Variants in SHANK1 observed in about 807,000 individuals in gnomAD.
The protein encoded by SHANK1 is SH3 and multiple ankyrin repeat domains 1, also known as SH3 and multiple ankyrin repeat domains protein 1.
SHANK1 carries 35 observed loss-of-function variants against 165.6 expected under a neutral mutation model. The observed-to-expected ratio is 0.21, with a 90% CI of 0.16 to 0.28. SHANK1 has a LOEUF of 0.28. SHANK1 is among the 10% of genes least tolerant of loss of function. The probability of loss-of-function intolerance (pLI) is 1.00; values close to 1 mark genes in which losing one functional copy is unlikely to be tolerated. For synonymous variants in SHANK1, 1,428 were observed against 1,384.8 expected (o/e 1.03, Z -0.69); for missense variants, 2,681 against 3,036.4 (o/e 0.88, Z 2.75).
intron 21 of SHANK1, among the ~76,000 whole-genome samples, chr19:50,675,776 T>G (rs1041816436): frequency 6.6e-6 from 1 of 151,748 alleles, no homozygotes; most frequent in African/African-American, 2.4e-5. Context: ...TCAAGGTGGG[T>G]GGATCATTTG....
At chr19:50,666,118 C>T (rs1296079560) in intron 23 of SHANK1, 74 bp downstream of exon 23, 1 of 1,410,226 alleles carries the variant, frequency 7.1e-7, no homozygotes, top group East Asian at 2.6e-5. Context: ...TTCTGCCACC[C>T]TGAGACCCTA....
At position 50,702,699 on chromosome 19, in the gene SHANK1, G is replaced by A; in HGVS notation, c.1554-39C>T. ...GGGCATGAGAGGAGGGGAGGGTGGA[G>A]GGAGGGGACACCTCTGGGAGGACAG... On this transcript the variant is annotated intron_variant, in intron 11 of 23. Coordinates refer to ENST00000293441, the MANE Select transcript of SHANK1 (RefSeq NM_016148.5). This position sits in a 1 kb window ranked among gnomAD's most constrained non-coding sequence, Gnocchi z 5.3. The A allele has an allele frequency of 7.1e-7, 1 of 1,412,980 alleles. No individual in the cohort carries two copies. Among genetic ancestry groups the A allele is most frequent in the Non-Finnish European group, 9.6e-7 (1 of 1,043,254 alleles). 87.5% of individuals were successfully genotyped at this position (1,412,980 alleles called of 1,614,324 possible). A position where few individuals can be genotyped will look rare whatever the true frequency, so the allele number is the denominator to read the frequency against.
At chr19:50,672,263 A>G (rs761111520) in intron 21 of SHANK1, 149 bp from the exon 22 acceptor site, 2 of 663,550 alleles carry the variant, frequency 3.0e-6, no homozygotes, top group Non-Finnish European at 5.1e-6. Context: ...CGGTGGAAGG[A>G]GGCCGGGCAA....
Position 50,688,748 on chromosome 19 carries a change from G to A in SHANK1, c.2172+96C>T, listed in dbSNP as rs1301706311. 26 of 1,306,796 alleles carry A rather than the reference G, an allele frequency of 2.0e-5. No individual in the cohort carries two copies. Among genetic ancestry groups the A allele is most frequent in the Non-Finnish European group, 5.3e-6 (5 of 950,830 alleles). The allele number at this position is 1,306,796 out of a possible 1,614,324, so 81.0% of individuals were successfully genotyped here. On this transcript the variant is annotated intron_variant, in intron 17 of 23. Transcript: ENST00000293441. This position sits in a 1 kb window ranked among gnomAD's most constrained non-coding sequence, Gnocchi z 6.7. Reference sequence around the variant, plus strand: ...GGGGCTGGGAATCCTGGTGCCAAAGGAGAATAAAACTGGGCAGCCAGATCC... The same window carrying A: ...GGGGCTGGGAATCCTGGTGCCAAAGAAGAATAAAACTGGGCAGCCAGATCC...
chr19:50,681,723 G>T (rs1986188022), intron 21 of SHANK1, among the ~76,000 whole-genome samples: 1 of 152,172 alleles, frequency 6.6e-6, no homozygotes, highest in Non-Finnish European at 1.5e-5. Flanking sequence ...CATACACAGA[G>T]ATCACTGGTG....
At chr19:50,704,008 G>C (rs991732133) in intron 10 of SHANK1, 112 bp downstream of exon 10, 1 of 1,168,574 alleles carries the variant, frequency 8.6e-7, no homozygotes, top group African/African-American at 1.5e-5. Flanking sequence ...GTCCTCTAGG[G>C]TTTTCTCCAT....
chr19:50,676,405 G>C (rs1985985788), intron 21 of SHANK1, among the ~76,000 whole-genome samples: 1 of 152,166 alleles, frequency 6.6e-6, no homozygotes. Context: ...ATGTGTAGAG[G>C]AACAGTGTTC....
chr19:50,687,637 C>T lies in SHANK1; in HGVS notation c.2334G>A (p.Pro778=), dbSNP rs746816844. 152 of 1,519,198 alleles carry T rather than the reference C, an allele frequency of 1.0e-4. No individual in the cohort carries two copies. Among genetic ancestry groups the T allele is most frequent in the African/African-American group, 2.2e-4 (16 of 71,734 alleles). The allele number at this position is 1,519,198 out of a possible 1,614,324, so 94.1% of individuals were successfully genotyped here. A position where few individuals can be genotyped will look rare whatever the true frequency, so the allele number is the denominator to read the frequency against. The change falls in exon 19 of 24, where the codon CCG becomes CCA. Residue 778 remains proline (P), a synonymous_variant. Transcript: ENST00000293441. ...TGGAACGCAGGGAGATGGTTGGGGG[C>T]GGCAGCCGCTTGGCCTGCTGGGGTG... ...KKAPQQAKRL[P]PPTISLRSKS... is the part of the protein sequence containing the mutation.
chr19:50,686,706 G>T lies in SHANK1; in HGVS notation c.2458+38C>A, dbSNP rs1201670280. The T allele has an allele frequency of 1.3e-6, 2 of 1,593,218 alleles. No homozygotes were observed. The highest frequency in any genetic ancestry group is 1.7e-6 in the Non-Finnish European group (2 of 1,162,692). On this transcript the variant is annotated intron_variant, in intron 20 of 23. Transcript: ENST00000293441. The surrounding 1 kb of genome is among the most constrained non-coding windows in gnomAD (Gnocchi z 5.7). ...GGGATGCAGCGGGTGCCGGGGCTGG[G>T]GCCCGGCATCCCGAGGAGCAGGGCT...
Position 50,706,643 on chromosome 19 carries a change from C to G in SHANK1, c.1078-2129G>C, listed in dbSNP as rs374159585. Among the ~76,000 whole-genome samples, 18 of 152,042 alleles carry G rather than the reference C, an allele frequency of 1.2e-4. No homozygotes were observed. In the East Asian group the frequency reaches 2.3e-3, roughly 20 times the overall value. On this transcript the variant is annotated intron_variant, in intron 8 of 23. Coordinates refer to ENST00000293441, the MANE Select transcript of SHANK1 (RefSeq NM_016148.5). Reference sequence around the variant, plus strand: ...TGCTTGGAATCCTTTCCCGCTAGATCTCAGCATAGCTTGCTTCCTCACTTC... The same window carrying G: ...TGCTTGGAATCCTTTCCCGCTAGATGTCAGCATAGCTTGCTTCCTCACTTC...
chr19:50,709,363 A>G (rs549179073), intron 8 of SHANK1, among the ~76,000 whole-genome samples: 25 of 152,132 alleles, frequency 1.6e-4, no homozygotes, highest in South Asian at 2.1e-4. Flanking sequence ...GGATGGTCTC[A>G]ATCTCCTGAC....
rs901712739 is a variant in SHANK1, at chr19:50,662,393, G to A, written c.6058C>T (p.Leu2020=). The change falls in exon 24 of 24, where the codon CTG becomes TTG. Residue 2020 remains leucine (L), a synonymous_variant. Transcript: ENST00000293441. This position sits in a 1 kb window ranked among gnomAD's most constrained non-coding sequence, Gnocchi z 7.7. The part of the protein sequence containing the change: ...KVSPAPRPSS[L]PILPSGPLYP... ...AGGGGTCCGGAAGGCAGGATGGGCA[G>A]GGACGAGGGCCTGGGCGCAGGGCTG... 6 of 1,571,650 alleles carry A rather than the reference G, an allele frequency of 3.8e-6. No individual in the cohort carries two copies. Among genetic ancestry groups the A allele is most frequent in the Admixed American group, 3.6e-5 (2 of 54,854 alleles).
chr19:50,714,690 CAAAA>C (rs67938945), intron 4 of SHANK1, among the ~76,000 whole-genome samples: 4 of 103,088 alleles, frequency 3.9e-5, no homozygotes, highest in Non-Finnish European at 8.1e-5. Flanking sequence ...GACCCCGTCT[CAAAA>C]AAAAAAAAAA....
At chr19:50,684,446 G>T (rs536987833) in intron 21 of SHANK1, among the ~76,000 whole-genome samples, 1 of 152,050 alleles carries the variant, frequency 6.6e-6, no homozygotes, top group Admixed American at 6.6e-5. Flanking sequence ...GGCTGGTCTC[G>T]AACTCCTGAC....
chr19:50,666,467 G>A lies in SHANK1; in HGVS notation c.5493C>T (p.Ser1831=), dbSNP rs760238421. 1.2e-5 allele frequency: 19 copies of A among 1,603,850 alleles called. No individual in the cohort carries two copies. The highest frequency in any genetic ancestry group is 8.0e-5 in the African/African-American group (6 of 74,878). ...EVPPVPLPTA[S]SLPRKLLPWE... is the part of the protein sequence containing the mutation. ...AGGGCAGCAGCTTCCGGGGCAGAGAGGAGGCCGTCGGCAAGGGCACCGGTG... is the reference window on the plus strand; with the variant it reads ...AGGGCAGCAGCTTCCGGGGCAGAGAAGAGGCCGTCGGCAAGGGCACCGGTG... Residue 1831 remains serine (S), a synonymous_variant, in exon 23 of 24, where the codon TCC becomes TCT. Transcript: ENST00000293441.
At position 50,713,651 on chromosome 19, in the gene SHANK1, G is replaced by A; in HGVS notation, c.792+147C>T. On this transcript the variant is annotated intron_variant, in intron 6 of 23. Coordinates refer to ENST00000293441, the MANE Select transcript of SHANK1 (RefSeq NM_016148.5). This position sits in a 1 kb window ranked among gnomAD's most constrained non-coding sequence, Gnocchi z 6.2. The stretch of plus-strand genomic sequence containing the variant: ...CCTGACAAGGGTGACAATAGGGGCT[G>A]TGTCTCAGTCTATGGAAAGGGGCTT... The A allele has an allele frequency of 1.9e-6, 2 of 1,057,040 alleles. No individual in the cohort carries two copies. Among genetic ancestry groups the A allele is most frequent in the Non-Finnish European group, 2.8e-6 (2 of 726,550 alleles). The allele number at this position is 1,057,040 out of a possible 1,614,324, so 65.5% of individuals were successfully genotyped here.
At chr19:50,698,375 T>C (rs1986805984) in intron 12 of SHANK1, among the ~76,000 whole-genome samples, 1 of 152,146 alleles carries the variant, frequency 6.6e-6, no homozygotes, top group African/African-American at 2.4e-5. Flanking sequence ...CAAAGTCTCC[T>C]TGCCACTTAA....
In SHANK1 at chr19:50,716,895, C is replaced by T. The variant is rs2089077095; in HGVS notation, c.25G>A (p.Glu9Lys). The change falls in exon 2 of 24, where the codon GAG becomes AAG. Residue 9 changes from glutamate (E) to lysine (K), a missense_variant. This residue lies in a region of SHANK1 where 118 missense variants were observed against 106.9 expected (regional missense o/e 1.10). Coordinates refer to ENST00000293441, the MANE Select transcript of SHANK1 (RefSeq NM_016148.5). This position sits in a 1 kb window ranked among gnomAD's most constrained non-coding sequence, Gnocchi z 8.4. ...CTGGCACTGTGGCGTTCCTCGTCCT[C>T]GCTTGTCGCGGGGCTGTGGGTCATT... MTHSPATS[E>K]DEERHSASEC... is the part of the protein sequence containing the mutation. The T allele has an allele frequency of 2.1e-6, 3 of 1,454,438 alleles. No individual in the cohort carries two copies. The highest frequency in any genetic ancestry group is 1.4e-5 in the African/African-American group (1 of 70,010). 90.1% of individuals were successfully genotyped at this position (1,454,438 alleles called of 1,614,324 possible).
At chr19:50,674,944 C>T (rs933515120) in intron 21 of SHANK1, among the ~76,000 whole-genome samples, 5 of 151,784 alleles carry the variant, frequency 3.3e-5, no homozygotes, top group Non-Finnish European at 5.9e-5. Flanking sequence ...TACCTGTCAT[C>T]CCAGCTATAC....
Sources: gnomAD v4.1 joint callset for allele counts (sites outside exome capture counted in the v4.1 genomes callset) on GRCh38, gnomAD v4.1.1 for gene constraint, gnomAD v4.1.1 regional missense constraint, Gnocchi (gnomAD v3.1) non-coding constraint, MANE v1.5 for transcripts, NCBI Gene and HGNC (gene_info 2026-07-23, HGNC 2026-07-21) for gene names.